Variants in CATSPERT observed in about 807,000 individuals in gnomAD.
CATSPERT encodes cation channel sperm-associated targeting subunit tau.
chr2:201,507,417 A>G, the CATSPERT span, among the ~76,000 whole-genome samples: 4 of 152,324 alleles, frequency 2.6e-5, no homozygotes, highest in Non-Finnish European at 1.5e-5. Context: ...CCAATCTATA[A>G]TTCAATGCAA....
chr2:201,569,045 C>T, the CATSPERT span, among the ~76,000 whole-genome samples: 1 of 152,164 alleles, frequency 6.6e-6, no homozygotes, highest in African/African-American at 2.4e-5. Flanking sequence ...AGTTCAGAGA[C>T]AGTGTCTAGT....
the CATSPERT span, chr2:201,491,262 CCTGA>C: frequency 5.1e-5 from 78 of 1,537,732 alleles, no homozygotes; most frequent in South Asian, 8.1e-4. Flanking sequence ...TTGGTAGTAT[CCTGA>C]CTATCTTGTT....
chr2:201,535,128 C>T, the CATSPERT span: 231 of 981,158 alleles, frequency 2.4e-4, no homozygotes, highest in Non-Finnish European at 2.7e-4. Flanking sequence ...TGTTATTTGA[C>T]ATAGGTAACT....
At chr2:201,530,465 T>G in the CATSPERT span, among the ~76,000 whole-genome samples, 1 of 152,212 alleles carries the variant, frequency 6.6e-6, no homozygotes, top group African/African-American at 2.4e-5. Flanking sequence ...AATTGCAAGG[T>G]GCATTTCACA....
the CATSPERT span, among the ~76,000 whole-genome samples, chr2:201,500,122 T>C: frequency 6.6e-6 from 1 of 152,148 alleles, no homozygotes; most frequent in South Asian, 2.1e-4. Context: ...CTAGCCTCCT[T>C]TGCAGACAGG....
At chr2:201,492,833 T>C in the CATSPERT span, 10 of 1,536,620 alleles carry the variant, frequency 6.5e-6, no homozygotes, top group South Asian at 1.2e-5. Flanking sequence ...TCCTTGGTGA[T>C]ATGTCCTGAT....
the CATSPERT span, chr2:201,491,235 TGTG>T: frequency 1.3e-6 from 2 of 1,537,676 alleles, no homozygotes; most frequent in African/African-American, 2.7e-5. Flanking sequence ...GGTGAATTCT[TGTG>T]GTGGGCAGTG....
chr2:201,618,446 A>G, the CATSPERT span, among the ~76,000 whole-genome samples: 1 of 151,938 alleles, frequency 6.6e-6, no homozygotes, highest in Middle Eastern at 3.2e-3. Flanking sequence ...CATTCTCAGC[A>G]AACTATCGCA....
the CATSPERT span, chr2:201,574,216 G>A: frequency 6.2e-7 from 1 of 1,602,606 alleles, no homozygotes; most frequent in Non-Finnish European, 8.5e-7. Flanking sequence ...AACCTGATGT[G>A]AAAATCCATA....
the CATSPERT span, among the ~76,000 whole-genome samples, chr2:201,577,316 G>A: frequency 1.3e-5 from 2 of 151,912 alleles, no homozygotes; most frequent in South Asian, 2.1e-4. Flanking sequence ...TATTTAACCC[G>A]TACAGACATT....
the CATSPERT span, chr2:201,534,905 G>T: frequency 4.0e-6 from 2 of 504,640 alleles, no homozygotes; most frequent in Non-Finnish European, 5.1e-6. Context: ...TGCATGTAAA[G>T]TCAAAAAATA....
the CATSPERT span, among the ~76,000 whole-genome samples, chr2:201,519,357 C>G: frequency 6.6e-6 from 1 of 151,524 alleles, no homozygotes; most frequent in Admixed American, 6.6e-5. Flanking sequence ...ACCCAAGACC[C>G]ATCTAAACAA....
At chr2:201,542,201 G>T in the CATSPERT span, among the ~76,000 whole-genome samples, 2 of 151,880 alleles carry the variant, frequency 1.3e-5, no homozygotes, top group East Asian at 3.9e-4. Context: ...TTGCTTTATT[G>T]TGGTGGTCTA....
chr2:201,567,939 C>T, the CATSPERT span, among the ~76,000 whole-genome samples: 2 of 152,290 alleles, frequency 1.3e-5, no homozygotes, highest in African/African-American at 4.8e-5. Context: ...TGTTCTGGGC[C>T]CCACTCAAAA....
At chr2:201,556,837 A>G in the CATSPERT span, 2 of 148,446 alleles carry the variant, frequency 1.3e-5, no homozygotes, top group East Asian at 1.9e-4. Flanking sequence ...AAAAATATAA[A>G]TAATAAATAA....
the CATSPERT span, among the ~76,000 whole-genome samples, chr2:201,502,741 A>G: frequency 6.6e-6 from 1 of 152,082 alleles, no homozygotes; most frequent in Non-Finnish European, 1.5e-5. Context: ...TTCCCTTGGA[A>G]TCTATTGAGC....
chr2:201,577,792 A>G, the CATSPERT span, among the ~76,000 whole-genome samples: 1 of 152,196 alleles, frequency 6.6e-6, no homozygotes, highest in Non-Finnish European at 1.5e-5. Context: ...AGCAGGTTCT[A>G]GTGATCTCCT....
At chr2:201,546,767 T>G in the CATSPERT span, among the ~76,000 whole-genome samples, 1 of 152,148 alleles carries the variant, frequency 6.6e-6, no homozygotes. Flanking sequence ...CAGCTTCTAC[T>G]CCTTTATATA....
chr2:201,500,361 A>T, the CATSPERT span, among the ~76,000 whole-genome samples: 4 of 152,114 alleles, frequency 2.6e-5, no homozygotes, highest in East Asian at 7.7e-4. Context: ...AAAAATACAA[A>T]AAATTAGCCG....
Sources: allele counts gnomAD v4.1 joint callset (sites outside exome capture counted in the v4.1 genomes callset), GRCh38; gene constraint gnomAD v4.1.1; transcripts MANE v1.5; gene names NCBI Gene and HGNC (gene_info 2026-07-23, HGNC 2026-07-21).